PLOD2: variants seen among roughly 807,000 people sequenced by gnomAD.
PLOD2 encodes the protein procollagen-lysine,2-oxoglutarate 5-dioxygenase 2, also known as lysine hydroxylase 2.
In PLOD2, 65 loss-of-function variants were observed where a neutral mutation model predicts 101.0. The observed-to-expected ratio is 0.64, with a 90% confidence interval of 0.53 to 0.79. The LOEUF is 0.79. PLOD2 is among the 30% of genes least tolerant of loss of function. The pLI, the probability that PLOD2 is intolerant of heterozygous loss-of-function variation, is 0.00. For missense variants in PLOD2, 909 were observed against 914.6 expected (o/e 0.99, Z 0.08); for synonymous variants, 314 against 302.9 (o/e 1.04, Z -0.38).
chr3:146,151,872 T>A (rs1223089245), intron 1 of PLOD2, among the ~76,000 whole-genome samples: 1 of 152,182 alleles, frequency 6.6e-6, no homozygotes, highest in African/African-American at 2.4e-5. Context: ...AATTATTTTT[T>A]AAAATATTAA....
In PLOD2 at chr3:146,081,778, G is replaced by C. The variant is rs778254905; in HGVS notation, c.1318C>G (p.Arg440Gly). Residue 440 changes from arginine to glycine, a missense_variant, in exon 12 of 20, where the codon CGA becomes GGA. Arg to Gly is a moderately radical substitution (Grantham distance 125). Coordinates refer to ENST00000282903, the MANE Select transcript of PLOD2 (RefSeq NM_182943.3). ...GALSPDGYYA[R>G]SEDYVDIVQG... ...ACAATATCCACATAATCTTCAGATCGTGCATAGTATCCATCAGGACTCAAT... is the reference window on the plus strand; with the variant it reads ...ACAATATCCACATAATCTTCAGATCCTGCATAGTATCCATCAGGACTCAAT... 3 of 1,609,582 alleles carry C rather than the reference G, an allele frequency of 1.9e-6. No individual in the cohort carries two copies. In the Admixed American group the frequency reaches 5.0e-5, roughly 27 times the overall value.
intron 4 of PLOD2, among the ~76,000 whole-genome samples, chr3:146,108,806 A>G (rs764539788): frequency 2.6e-5 from 4 of 152,200 alleles, no homozygotes; most frequent in Non-Finnish European, 5.9e-5. Flanking sequence ...TTTGAAATAA[A>G]TTTACGAGAT....
chr3:146,084,912 C>G (rs968732679), intron 11 of PLOD2, among the ~76,000 whole-genome samples: 1 of 152,018 alleles, frequency 6.6e-6, no homozygotes, highest in Non-Finnish European at 1.5e-5. Context: ...CATAATTTCA[C>G]CTAGCTTTAA....
rs1201015431 is a variant in PLOD2 at position 146,102,803 on chromosome 3, T to C, written c.729A>G (p.Thr243=). Residue 243 remains threonine (T), a synonymous_variant, in exon 7 of 20, where the codon ACA becomes ACG. Transcript: ENST00000282903. ...TTGCCACTGGTAATGTTTCATAAAA[T>C]GTATTCTTAGCTCTGGCTTTGCCAT... is the stretch of plus-strand genomic sequence containing the variant. ...FENGKARAKN[T]FYETLPVAIN... 2 of 1,607,448 alleles carry C rather than the reference T, an allele frequency of 1.2e-6. No homozygotes were observed. Among genetic ancestry groups the C allele is most frequent in the Admixed American group, 3.3e-5 (2 of 60,000 alleles).
At chr3:146,144,270 G>C (rs1022367998) in intron 1 of PLOD2, among the ~76,000 whole-genome samples, 1 of 152,046 alleles carries the variant, frequency 6.6e-6, no homozygotes, top group Non-Finnish European at 1.5e-5. Flanking sequence ...AGAAACAGAA[G>C]TGGCAAAAAA....
At chr3:146,138,469 G>C (rs111296111) in intron 1 of PLOD2, among the ~76,000 whole-genome samples, 2,137 of 152,260 alleles carry the variant, frequency 0.014, 11 homozygotes, top group Middle Eastern at 0.044. Context: ...TTCACTGAGA[G>C]GGTGACCTGA....
Position 146,093,190 on chromosome 3 carries a change from T to C in PLOD2, c.778-1289A>G, listed in dbSNP as rs138495035. Among the ~76,000 whole-genome samples, 167 of 152,324 alleles carry C rather than the reference T, an allele frequency of 1.1e-3. 1 individual carries two copies. Among genetic ancestry groups the C allele is most frequent in the African/African-American group, 3.8e-3 (157 of 41,580 alleles). On this transcript the variant is annotated intron_variant, in intron 7 of 19. Coordinates refer to ENST00000282903, the MANE Select transcript of PLOD2 (RefSeq NM_182943.3). ...ATTTGGGATCCTGTTCAAATATTCT[T>C]ATTGTACTGAAACACTGAAACAAAC...
chr3:146,120,071 T>G (rs1463909883), intron 3 of PLOD2, among the ~76,000 whole-genome samples: 1 of 151,702 alleles, frequency 6.6e-6, no homozygotes, highest in Non-Finnish European at 1.5e-5. Flanking sequence ...AGTGTAAAAG[T>G]GTTCCTATTT....
chr3:146,110,391 T>C lies in PLOD2; in HGVS notation c.396A>G (p.Ala132=). 3.7e-6 allele frequency: 6 copies of C among 1,613,746 alleles called. No individual in the cohort carries two copies. The highest frequency in any genetic ancestry group is 5.1e-6 in the Non-Finnish European group (6 of 1,179,786). Reference sequence around the variant, plus strand: ...CTGCTGCAAAGACCACTTTGTGGTTTGCCTTTTGGAATTTTTTTAGAACTT... The same window carrying C: ...CTGCTGCAAAGACCACTTTGTGGTTCGCCTTTTGGAATTTTTTTAGAACTT... ...PEEVLKKFQK[A]NHKVVFAADG... The change falls in exon 4 of 20, where the codon GCA becomes GCG. Residue 132 remains alanine (A), a synonymous_variant. Transcript: ENST00000282903.
chr3:146,143,424 T>G (rs1250711103), intron 1 of PLOD2, among the ~76,000 whole-genome samples: 3 of 152,020 alleles, frequency 2.0e-5, no homozygotes, highest in Non-Finnish European at 4.4e-5. Flanking sequence ...TGTTTTTCTC[T>G]CACATTCCCC....
chr3:146,104,650 G>A (rs780543013), intron 5 of PLOD2, among the ~76,000 whole-genome samples: 1 of 151,890 alleles, frequency 6.6e-6, no homozygotes, highest in African/African-American at 2.4e-5. Context: ...AACTTATATT[G>A]GTAAATATGA....
At position 146,119,933 on chromosome 3, in the gene PLOD2, T is replaced by A. The variant is rs533343907; in HGVS notation, c.338+1179A>T. Among the ~76,000 whole-genome samples, 8 of 152,310 alleles carry A rather than the reference T, an allele frequency of 5.3e-5. No individual in the cohort carries two copies. In the East Asian group the frequency reaches 1.5e-3, roughly 29 times the overall value. Reference sequence around the variant, plus strand: ...TGCATGTGTCTTTATAGCAGCATGATTTATAATCCTTTGGGTATATACCCA... The same window carrying A: ...TGCATGTGTCTTTATAGCAGCATGAATTATAATCCTTTGGGTATATACCCA... On this transcript the variant is annotated intron_variant, in intron 3 of 19. Transcript: ENST00000282903.
chr3:146,071,386 G>C lies in PLOD2; in HGVS notation c.1886C>G (p.Thr629Ser), dbSNP rs121434459. 1 of 1,611,718 alleles carries C rather than the reference G, an allele frequency of 6.2e-7. No homozygotes were observed. The highest frequency in any genetic ancestry group is 1.3e-5 in the African/African-American group (1 of 74,718). Residue 629 changes from threonine to serine, a missense_variant, in exon 18 of 20, where the codon ACT becomes AGT. Transcript: ENST00000282903. ...RISGGYENVP[T>S]DDIHMKQVDL... ...AACTTGCTTCATGTGGATATCATCA[G>C]TTGGGACATTTTCATAACCACCAGA... is the stretch of plus-strand genomic sequence containing the variant.
intron 1 of PLOD2, among the ~76,000 whole-genome samples, chr3:146,131,477 A>G (rs2030906147): frequency 6.6e-6 from 1 of 152,188 alleles, no homozygotes; most frequent in African/African-American, 2.4e-5. Context: ...GAAGCTAGAG[A>G]GATATAAAAA....
chr3:146,137,527 A>G (rs1163039444), intron 1 of PLOD2, among the ~76,000 whole-genome samples: 2 of 152,154 alleles, frequency 1.3e-5, no homozygotes, highest in East Asian at 3.8e-4. Context: ...GGGATTACAG[A>G]CATGAGCCAC....
intron 7 of PLOD2, among the ~76,000 whole-genome samples, chr3:146,099,551 A>AT (rs998898007): frequency 6.0e-5 from 9 of 150,708 alleles, no homozygotes; most frequent in East Asian, 2.0e-4. Flanking sequence ...CAGCTGCCTA[A>AT]TTTTTTTTCT....
Position 146,076,903 on chromosome 3 carries a change from C to T in PLOD2, c.1564-8G>A. 1 of 1,493,882 alleles carries T rather than the reference C, an allele frequency of 6.7e-7. No individual in the cohort carries two copies. The highest frequency in any genetic ancestry group is 9.3e-7 in the Non-Finnish European group (1 of 1,073,348). The allele number at this position is 1,493,882 out of a possible 1,614,324, so 92.5% of individuals were successfully genotyped here. ...AATGTACATAAATACACCCTATATG[C>T]CAGAAAATAACAGTATTAATCTTAG... On this transcript the variant is annotated splice_region_variant and splice_polypyrimidine_tract_variant and intron_variant, in intron 14 of 19. Coordinates refer to ENST00000282903, the MANE Select transcript of PLOD2 (RefSeq NM_182943.3).
At position 146,070,751 on chromosome 3, in the gene PLOD2, G is replaced by A. The variant is rs529339253; in HGVS notation, c.2243C>T (p.Thr748Ile). 1.2e-6 allele frequency: 2 copies of A among 1,607,888 alleles called. No homozygotes were observed. The highest frequency in any genetic ancestry group is 1.3e-5 in the African/African-American group (1 of 74,762). ...TATAAATGACACTGCAATGTATCTT[G>A]TTCCATTTTTAACAGGAAGTCCTTC... The part of the protein sequence containing the change: ...LHEGLPVKNG[T>I]RYIAVSFIDP The change falls in exon 20 of 20, where the codon ACA becomes ATA. Residue 748 changes from threonine (T) to isoleucine (I), a missense_variant. Thr to Ile is a moderately conservative substitution (Grantham distance 89, BLOSUM62 -1). Transcript: ENST00000282903.
intron 1 of PLOD2, among the ~76,000 whole-genome samples, chr3:146,134,724 G>T (rs889764804): frequency 6.6e-6 from 1 of 152,212 alleles, no homozygotes; most frequent in Non-Finnish European, 1.5e-5. Flanking sequence ...ACCAGCACAG[G>T]CTGAGGTAAT....
Sources: gnomAD v4.1 joint callset for allele counts (sites outside exome capture counted in the v4.1 genomes callset) on GRCh38, gnomAD v4.1.1 for gene constraint, MANE v1.5 for transcripts, NCBI Gene and HGNC (gene_info 2026-07-23, HGNC 2026-07-21) for gene names.